Variants in TAAR1 observed in about 807,000 individuals in gnomAD.
TAAR1 encodes trace amine-associated receptor 1.
A neutral mutation model predicts 1.2 loss-of-function variants in TAAR1; 1 was observed. That is an observed-to-expected ratio of 0.81 (90% CI 0.29 to 3.86). The LOEUF (loss-of-function observed/expected upper bound fraction) is 3.86. Among genes scored for constraint, TAAR1 ranks in the 30% most tolerant of loss-of-function variants. The probability of loss-of-function intolerance (pLI) is 0.18; values close to 1 mark genes in which losing one functional copy is unlikely to be tolerated. For missense variants in TAAR1, 445 were observed against 405.6 expected (o/e 1.10, Z -0.83); for synonymous variants, 153 against 132.2 (o/e 1.16, Z -1.08).
intron 1 of TAAR1, among the ~76,000 whole-genome samples, chr6:132,647,393 C>CAT (rs527267533): frequency 1.6e-5 from 2 of 121,446 alleles, no homozygotes; most frequent in African/African-American, 3.3e-5. Context: ...CACACACACA[C>CAT]ATATATAACA....
At chr6:132,653,571 A>G (rs1777770112) in intron 1 of TAAR1, among the ~76,000 whole-genome samples, 1 of 152,172 alleles carries the variant, frequency 6.6e-6, no homozygotes, top group South Asian at 2.1e-4. Flanking sequence ...GGACATTATA[A>G]TCTATGCCAG....
Position 132,645,113 on chromosome 6 carries a change from A to T in TAAR1, c.891T>A (p.Ser297=). The change falls in exon 2 of 2, where the codon TCT becomes TCA. Residue 297 remains serine (S), a synonymous_variant. Transcript: ENST00000275216. ...ATGCATAAACCATTGGATTAAATGT[A>T]GAGTTCAAGTAGCCAAACCAAATCA... ...DVLIWFGYLN[S]TFNPMVYAFF... 6.2e-7 allele frequency: 1 copy of T among 1,613,090 alleles called. No homozygotes were observed. Among genetic ancestry groups the T allele is most frequent in the Non-Finnish European group, 8.5e-7 (1 of 1,179,542 alleles).
At chr6:132,656,009 C>T (rs1316752268) in intron 1 of TAAR1, among the ~76,000 whole-genome samples, 6 of 152,054 alleles carry the variant, frequency 3.9e-5, no homozygotes, top group African/African-American at 7.2e-5. Context: ...GGAAATCGAA[C>T]GCTTTGCCCT....
intron 1 of TAAR1, among the ~76,000 whole-genome samples, chr6:132,646,909 G>C (rs1777678148): frequency 6.6e-6 from 1 of 152,114 alleles, no homozygotes; most frequent in Non-Finnish European, 1.5e-5. Flanking sequence ...GAACCAACTT[G>C]AGGTCAATTT....
chr6:132,649,208 G>A (rs879568575), intron 1 of TAAR1, among the ~76,000 whole-genome samples: 32 of 152,084 alleles, frequency 2.1e-4, no homozygotes, highest in Admixed American at 1.8e-3. Context: ...TGCCCTTGGG[G>A]ACTCATGGTC....
At chr6:132,647,157 GA>G (rs1197380991) in intron 1 of TAAR1, among the ~76,000 whole-genome samples, 3 of 151,828 alleles carry the variant, frequency 2.0e-5, no homozygotes, top group Non-Finnish European at 1.5e-5. Context: ...TTTAAGTTCT[GA>G]AATCCAATAA....
chr6:132,652,698 A>G (rs1249932207), intron 1 of TAAR1, among the ~76,000 whole-genome samples: 1 of 149,422 alleles, frequency 6.7e-6, no homozygotes, highest in Non-Finnish European at 1.5e-5. Context: ...CCCTGAAGCT[A>G]TATATTTCAC....
rs1033883771 is a variant in TAAR1 at position 132,659,131 on chromosome 6, T to C, written c.-128A>G. Among the ~76,000 whole-genome samples the C allele has an allele frequency of 7.9e-5, 12 of 152,230 alleles. No homozygotes were observed. The highest frequency in any genetic ancestry group is 2.9e-4 in the African/African-American group (12 of 41,448). ...GCTGTTCAGCAAATTCAGACCCACC[T>C]GCTCAGGTAAGAGTGAACACAGTCA... On this transcript the variant is annotated splice_region_variant and 5_prime_UTR_variant, in exon 1 of 2. Transcript: ENST00000275216.
chr6:132,648,686 A>T (rs1290502874), intron 1 of TAAR1, among the ~76,000 whole-genome samples: 1 of 152,192 alleles, frequency 6.6e-6, no homozygotes, highest in Non-Finnish European at 1.5e-5. Context: ...TTGTTTTTGA[A>T]TAGATTTATT....
chr6:132,646,011 G>A lies in TAAR1; in HGVS notation c.-8C>T. ...GTGGCAAAAGGGCATCATTCCTGAG[G>A]GCTGTCAATCAGTTTACTTTTCCCT... On this transcript the variant is annotated 5_prime_UTR_variant, in exon 2 of 2. Transcript: ENST00000275216. The A allele has an allele frequency of 6.4e-7, 1 of 1,573,808 alleles. No individual in the cohort carries two copies. Among genetic ancestry groups the A allele is most frequent in the Non-Finnish European group, 8.6e-7 (1 of 1,157,760 alleles).
At chr6:132,647,628 GAA>G (rs1343962381) in intron 1 of TAAR1, among the ~76,000 whole-genome samples, 2 of 52,476 alleles carry the variant, frequency 3.8e-5, no homozygotes, top group Admixed American at 1.6e-4. Flanking sequence ...AAAAAGGAAA[GAA>G]AGAAAGAAAG....
At chr6:132,646,332 T>G (rs1206547707) in intron 1 of TAAR1, among the ~76,000 whole-genome samples, 1 of 152,132 alleles carries the variant, frequency 6.6e-6, no homozygotes, top group Non-Finnish European at 1.5e-5. Context: ...GCTAAATTAT[T>G]AGGTTGAACT....
At chr6:132,648,277 A>C (rs1156683032) in intron 1 of TAAR1, among the ~76,000 whole-genome samples, 1 of 152,098 alleles carries the variant, frequency 6.6e-6, no homozygotes, top group Non-Finnish European at 1.5e-5. Context: ...ACTCAAAATC[A>C]CTGTTCAGAA....
chr6:132,645,864 G>A lies in TAAR1; in HGVS notation c.140C>T (p.Ser47Phe). 8 of 1,613,740 alleles carry A rather than the reference G, an allele frequency of 5.0e-6. No individual in the cohort carries two copies. The highest frequency in any genetic ancestry group is 6.8e-6 in the Non-Finnish European group (8 of 1,179,752). The part of the protein sequence containing the change: ...TLVGNLIVIV[S>F]ISHFKQLHTP... ...ATGAAGTTGTTTGAAGTGTGATATAGAAACAATAACTATCAGATTGCCAAC... is the reference window on the plus strand; with the variant it reads ...ATGAAGTTGTTTGAAGTGTGATATAAAAACAATAACTATCAGATTGCCAAC... Residue 47 changes from serine (S) to phenylalanine (F), a missense_variant, in exon 2 of 2, where the codon TCT (serine) becomes TTT (phenylalanine). Ser to Phe is a radical substitution (Grantham distance 155). Coordinates refer to ENST00000275216, the MANE Select transcript of TAAR1 (RefSeq NM_138327.4).
chr6:132,647,938 C>T (rs953668282), intron 1 of TAAR1, among the ~76,000 whole-genome samples: 5 of 152,012 alleles, frequency 3.3e-5, no homozygotes, highest in African/African-American at 1.2e-4. Context: ...CATTTTTCCC[C>T]TAATCTCCTT....
At chr6:132,653,448 T>C (rs1777768721) in intron 1 of TAAR1, among the ~76,000 whole-genome samples, 1 of 152,184 alleles carries the variant, frequency 6.6e-6, no homozygotes, top group South Asian at 2.1e-4. Flanking sequence ...GTCGGCATGT[T>C]TGGGTTTTTG....
chr6:132,654,492 C>T (rs775859456), intron 1 of TAAR1, among the ~76,000 whole-genome samples: 22 of 152,160 alleles, frequency 1.4e-4, no homozygotes, highest in Non-Finnish European at 2.6e-4. Flanking sequence ...TGTACCTTTA[C>T]AGGAACAAAT....
At chr6:132,647,619 A>AAG (rs1562202952) in intron 1 of TAAR1, among the ~76,000 whole-genome samples, 199 of 115,960 alleles carry the variant, frequency 1.7e-3, no homozygotes, top group African/African-American at 3.9e-3. Flanking sequence ...GAAAGAAAGA[A>AAG]AAAGGAAAGA....
chr6:132,647,676 GAAAGAAGA>G (rs1777701080), intron 1 of TAAR1, among the ~76,000 whole-genome samples: 2 of 149,856 alleles, frequency 1.3e-5, no homozygotes, highest in African/African-American at 2.5e-5. Context: ...AAGAAAGAAA[GAAAGAAGA>G]AAGAAAGGAA....
Sources: gnomAD v4.1 joint callset for allele counts (sites outside exome capture counted in the v4.1 genomes callset) on GRCh38, gnomAD v4.1.1 for gene constraint, MANE v1.5 for transcripts, NCBI Gene and HGNC (gene_info 2026-07-23, HGNC 2026-07-21) for gene names.